The following HLCS variants were observed in gnomAD, a reference collection of about 807,000 sequenced individuals.
The protein encoded by HLCS is biotin--protein ligase.
A neutral mutation model predicts 75.0 loss-of-function variants in HLCS; 53 were observed. That is an observed-to-expected ratio of 0.71 (90% confidence interval 0.57 to 0.89). The LOEUF is 0.89. Ranked by LOEUF, HLCS falls within the 40% of genes least tolerant of loss-of-function variation. HLCS has a pLI of 0.00. For synonymous variants in HLCS, 431 were observed against 428.6 expected (o/e 1.01, Z -0.07); for missense variants, 966 against 1,074.0 (o/e 0.90, Z 1.41).
intron 6 of HLCS, among the ~76,000 whole-genome samples, chr21:36,841,179 G>A (rs2062602736): frequency 6.6e-6 from 1 of 152,116 alleles, no homozygotes; most frequent in Admixed American, 6.5e-5. Flanking sequence ...TTCTTAATTT[G>A]CTAAAAATAT....
chr21:36,755,326 G>A (rs1172311697), intron 10 of HLCS, among the ~76,000 whole-genome samples: 3 of 151,686 alleles, frequency 2.0e-5, no homozygotes, highest in African/African-American at 7.3e-5. Flanking sequence ...ATTTGAGCCC[G>A]GGAGTTCAAG....
intron 6 of HLCS, among the ~76,000 whole-genome samples, chr21:36,771,004 G>A (rs534511952): frequency 1.3e-3 from 202 of 152,174 alleles, no homozygotes; most frequent in African/African-American, 4.8e-3. Flanking sequence ...CGGATCACGA[G>A]GTCAGGAGAT....
At chr21:36,870,160 C>G (rs8130819) in intron 6 of HLCS, among the ~76,000 whole-genome samples, 5,654 of 152,156 alleles carry the variant, frequency 0.037, 223 homozygotes, top group East Asian at 0.21. Flanking sequence ...GTGTCTCGCC[C>G]CAGTACTGCT....
intron 1 of HLCS, among the ~76,000 whole-genome samples, chr21:36,989,243 C>CA (rs1317845156): frequency 1.3e-5 from 2 of 148,544 alleles, no homozygotes; most frequent in Non-Finnish European, 3.0e-5. Context: ...CTCCTGAACT[C>CA]AAAGAGATTC....
intron 6 of HLCS, among the ~76,000 whole-genome samples, chr21:36,795,677 T>C (rs2061005124): frequency 6.6e-6 from 1 of 152,210 alleles, no homozygotes; most frequent in African/African-American, 2.4e-5. Context: ...TGTCCTGTCA[T>C]AGCCTGAGAC....
intron 10 of HLCS, among the ~76,000 whole-genome samples, chr21:36,756,229 G>A (rs893453553): frequency 6.6e-6 from 1 of 151,578 alleles, no homozygotes; most frequent in African/African-American, 2.4e-5. Flanking sequence ...ACAAGGTCAG[G>A]AGATCGAGAC....
chr21:36,960,128 C>CCCA (rs1308966469), intron 2 of HLCS, among the ~76,000 whole-genome samples: 1 of 6,406 alleles, frequency 1.6e-4, no homozygotes, highest in South Asian at 7.2e-3. Context: ...CATGGAGCCA[C>CCCA]CCACCCCCCC....
chr21:36,961,036 T>C (rs1213387095), intron 2 of HLCS, among the ~76,000 whole-genome samples: 2 of 152,132 alleles, frequency 1.3e-5, no homozygotes, highest in Non-Finnish European at 2.9e-5. Context: ...GAGCTAACAA[T>C]TTAGGGAGTG....
intron 6 of HLCS, among the ~76,000 whole-genome samples, chr21:36,822,152 T>C (rs1051447539): frequency 5.9e-5 from 9 of 152,332 alleles, no homozygotes; most frequent in African/African-American, 2.2e-4. Flanking sequence ...CGAGGTGCAG[T>C]GGCTCACACC....
chr21:36,987,002 T>C (rs1236872150), intron 1 of HLCS, among the ~76,000 whole-genome samples: 1 of 152,246 alleles, frequency 6.6e-6, no homozygotes, highest in African/African-American at 2.4e-5. Context: ...AATTCATTAT[T>C]GCCATTATTA....
Position 36,976,982 on chromosome 21 carries a change from G to A in HLCS, c.-393+13176C>T, listed in dbSNP as rs143701008. Among the ~76,000 whole-genome samples, 20 of 152,052 alleles carry A rather than the reference G, an allele frequency of 1.3e-4. No individual in the cohort carries two copies. The East Asian group carries it at 3.3e-3, about 25-fold the overall frequency. ...TGCAATCTACAAACATTTGATATTG[G>A]TGCTCTCTTATTCACCTTCATATCC... On this transcript the variant is annotated intron_variant, in intron 1 of 11. Transcript: ENST00000336648.
intron 2 of HLCS, among the ~76,000 whole-genome samples, chr21:36,958,253 A>AGAAAGAAAG (rs55813310): frequency 7.4e-6 from 1 of 135,902 alleles, no homozygotes; most frequent in African/African-American, 2.8e-5. Flanking sequence ...AAAAAAAAAA[A>AGAAAGAAAG]AAAGAAAGAA....
chr21:36,832,353 G>C (rs992799299), intron 6 of HLCS, among the ~76,000 whole-genome samples: 1 of 152,208 alleles, frequency 6.6e-6, no homozygotes, highest in Non-Finnish European at 1.5e-5. Context: ...ACAGCACAGA[G>C]AATCTCGATG....
chr21:36,894,247 G>A (rs1784055912), intron 6 of HLCS, among the ~76,000 whole-genome samples: 1 of 152,178 alleles, frequency 6.6e-6, no homozygotes, highest in Admixed American at 6.5e-5. Flanking sequence ...TGTACAGCCT[G>A]CAGAACTGTG....
At chr21:36,783,917 A>T (rs2060611389) in intron 6 of HLCS, among the ~76,000 whole-genome samples, 2 of 152,170 alleles carry the variant, frequency 1.3e-5, no homozygotes. Context: ...ACCAGCCAAC[A>T]TGGCACCATC....
At chr21:36,945,238 GA>G (rs897112224) in intron 2 of HLCS, among the ~76,000 whole-genome samples, 4 of 149,882 alleles carry the variant, frequency 2.7e-5, no homozygotes. Context: ...TTGTCTCAAA[GA>G]AAAAACCACA....
rs530255260 is a variant in HLCS, at chr21:36,897,048, T to C, written c.1704A>G (p.Arg568=). 1.2e-5 allele frequency: 19 copies of C among 1,614,154 alleles called. No homozygotes were observed. In the South Asian group the frequency reaches 2.1e-4, roughly 18 times the overall value. The change falls in exon 6 of 11, where the codon AGA becomes AGG. Residue 568 remains arginine (R), a synonymous_variant. Transcript: ENST00000674895. The stretch of plus-strand genomic sequence containing the variant: ...CTTCAGACACGTAGGATGAAACAAA[T>C]CTAAGAGAGAGCTGGCCGGATTTTA... The part of the protein sequence containing the change: ...GEIKSGQLSL[R]FVSSYVSEVE...
intron 6 of HLCS, among the ~76,000 whole-genome samples, chr21:36,828,003 T>C (rs7280597): frequency 0.31 from 46,969 of 151,604 alleles, 7,759 homozygotes; most frequent in African/African-American, 0.39. Flanking sequence ...TTAGTAGAGA[T>C]GGGGTTTCAC....
At chr21:36,845,007 A>ACCACTG (rs146982457) in intron 6 of HLCS, among the ~76,000 whole-genome samples, 1,559 of 152,188 alleles carry the variant, frequency 0.01, 33 homozygotes, top group African/African-American at 0.036. Flanking sequence ...GTGCAAATCC[A>ACCACTG]CCACTGCAGG....
Sources: gnomAD v4.1 joint callset for allele counts (sites outside exome capture counted in the v4.1 genomes callset) on GRCh38, gnomAD v4.1.1 for gene constraint, MANE v1.5 for transcripts, NCBI Gene and HGNC (gene_info 2026-07-23, HGNC 2026-07-21) for gene names.